Variants in MALRD1 observed in about 807,000 individuals in gnomAD.
The protein encoded by MALRD1 is MAM and LDL-receptor class A domain-containing protein 1.
MALRD1 carries 247 observed loss-of-function variants against 242.1 expected under a neutral mutation model. The observed-to-expected ratio is 1.02, with a 90% CI of 0.92 to 1.13. The LOEUF (loss-of-function observed/expected upper bound fraction) is 1.13. MALRD1 is among the 50% of genes most tolerant of loss of function. The pLI, the probability that MALRD1 is intolerant of heterozygous loss-of-function variation, is 0.00. For missense variants in MALRD1, 2,989 were observed against 2,533.1 expected (o/e 1.18, Z -3.86); for synonymous variants, 995 against 866.6 (o/e 1.15, Z -2.60).
Position 19,387,626 on chromosome 10 carries a change from GA to G in MALRD1, c.4544del (p.Asn1515MetfsTer28). ...AGATAACTGTGGAGATAATACTGATGAAAATGAGTGTGGTAGCTCCTGTACT... is the reference window on the plus strand; with the variant it reads ...AGATAACTGTGGAGATAATACTGATGAAATGAGTGTGGTAGCTCCTGTACT... ...FVDNCGDNTD[E>X]NECGSSCTFE... On this transcript the variant is annotated frameshift_variant, in exon 27 of 40. Coordinates refer to ENST00000454679, the MANE Select transcript of MALRD1 (RefSeq NM_001142308.3). LOFTEE classifies it high-confidence loss of function. 6.5e-7 allele frequency: 1 copy of G among 1,550,376 alleles called. No individual in the cohort carries two copies. Among genetic ancestry groups the G allele is most frequent in the Non-Finnish European group, 8.7e-7 (1 of 1,146,890 alleles).
chr10:19,277,282 T>C (rs1342820281), intron 19 of MALRD1, among the ~76,000 whole-genome samples: 1 of 152,200 alleles, frequency 6.6e-6, no homozygotes, highest in Non-Finnish European at 1.5e-5. Context: ...ATATATCTGA[T>C]CTTGGGGAAT....
At position 19,625,366 on chromosome 10, in the gene MALRD1, T is replaced by C. The variant is rs139091546; in HGVS notation, c.6137+9443T>C. ...AGTTTTGTTCCTATGAAAATTCATA[T>C]GGTTGCTTTTGCCTATTTTACGCTT... On this transcript the variant is annotated intron_variant, in intron 36 of 39. Transcript: ENST00000454679. Among the ~76,000 whole-genome samples the C allele has an allele frequency of 2.7e-3, 408 of 152,208 alleles. 1 individual carries two copies. Among genetic ancestry groups the C allele is most frequent in the African/African-American group, 9.3e-3 (387 of 41,546 alleles).
intron 11 of MALRD1, among the ~76,000 whole-genome samples, chr10:19,153,930 G>A (rs992048509): frequency 1.3e-5 from 2 of 152,002 alleles, no homozygotes; most frequent in African/African-American, 4.8e-5. Flanking sequence ...TTGAATATCG[G>A]TTCATTTGTT....
At chr10:19,094,739 T>C (rs534098743) in intron 4 of MALRD1, among the ~76,000 whole-genome samples, 1 of 152,322 alleles carries the variant, frequency 6.6e-6, no homozygotes, top group African/African-American at 2.4e-5. Flanking sequence ...GCTGTTGAAG[T>C]AGAATAATTG....
intron 28 of MALRD1, among the ~76,000 whole-genome samples, chr10:19,438,085 C>T (rs1405858660): frequency 6.6e-6 from 1 of 151,954 alleles, no homozygotes; most frequent in African/African-American, 2.4e-5. Context: ...TCTTGCAAAA[C>T]TGAAATTCTG....
chr10:19,423,341 C>A (rs1833783935), intron 28 of MALRD1, among the ~76,000 whole-genome samples: 2 of 151,652 alleles, frequency 1.3e-5, no homozygotes, highest in South Asian at 4.2e-4. Context: ...ATGATGATTT[C>A]TACTATTTTT....
chr10:19,527,128 T>G lies in MALRD1; in HGVS notation c.5321-4066T>G, dbSNP rs555211643. ...TAGAATATTTTTCAAGTACTTGAAA[T>G]GTTGTTAGGTACCAGGCTGGAAGAA... On this transcript the variant is annotated intron_variant, in intron 31 of 39. Coordinates refer to ENST00000454679, the MANE Select transcript of MALRD1 (RefSeq NM_001142308.3). Among the ~76,000 whole-genome samples, 5 of 151,972 alleles carry G rather than the reference T, an allele frequency of 3.3e-5. No individual in the cohort carries two copies. In the South Asian group the frequency reaches 8.3e-4, roughly 25 times the overall value.
At chr10:19,207,382 T>TC (rs1235420188) in intron 17 of MALRD1, among the ~76,000 whole-genome samples, 2 of 152,164 alleles carry the variant, frequency 1.3e-5, no homozygotes, top group Non-Finnish European at 1.5e-5. Context: ...ATGGTAGGCT[T>TC]CCCCCTTACC....
intron 29 of MALRD1, chr10:19,488,927 G>C (rs1000213970): frequency 2.6e-6 from 1 of 386,496 alleles, no homozygotes; most frequent in Admixed American, 3.3e-5. Context: ...TATTACATGG[G>C]TTATTAAGAT....
intron 36 of MALRD1, among the ~76,000 whole-genome samples, chr10:19,638,368 A>G (rs1019483046): frequency 6.6e-6 from 1 of 152,152 alleles, no homozygotes; most frequent in African/African-American, 2.4e-5. Context: ...GAGACTGAAA[A>G]TAATAAAAGT....
intron 18 of MALRD1, among the ~76,000 whole-genome samples, chr10:19,229,735 G>A (rs377536487): frequency 6.6e-6 from 1 of 152,116 alleles, no homozygotes; most frequent in Admixed American, 6.6e-5. Context: ...GGTCACCAAT[G>A]CATTGTAGCA....
chr10:19,204,896 A>G lies in MALRD1; in HGVS notation c.2211-2A>G, dbSNP rs1275928723. The G allele has an allele frequency of 3.3e-6, 5 of 1,532,366 alleles. No homozygotes were observed. Among genetic ancestry groups the G allele is most frequent in the East Asian group, 2.5e-5 (1 of 40,624 alleles). The allele number at this position is 1,532,366 out of a possible 1,614,324, so 94.9% of individuals were successfully genotyped here. On this transcript the variant is annotated splice_acceptor_variant, in intron 16 of 39. Transcript: ENST00000454679. LOFTEE classifies it high-confidence loss of function. ...CCATTTCTTACGTTTACTCTTTTTT[A>G]GGTTCTATAACTATGGCCTGTCAGT...
At chr10:19,519,938 A>G (rs1173538281) in intron 31 of MALRD1, among the ~76,000 whole-genome samples, 1 of 152,172 alleles carries the variant, frequency 6.6e-6, no homozygotes, top group Non-Finnish European at 1.5e-5. Context: ...AAGGAATAAC[A>G]TATAACTAAA....
intron 33 of MALRD1, 82 bp from the exon 34 acceptor site, chr10:19,595,112 G>T: frequency 7.5e-7 from 1 of 1,328,444 alleles, no homozygotes; most frequent in Non-Finnish European, 1.0e-6. Context: ...TATACAATAA[G>T]AAATGCAACC....
Position 19,491,656 on chromosome 10 carries a change from C to T in MALRD1, c.5158+11C>T. On this transcript the variant is annotated intron_variant, in intron 30 of 39. Transcript: ENST00000454679. ...ATGAAGCTCACTGTGGTAAGTTTATCTATCTGCTGTATGGCAGCCAGTTCA... is the reference window on the plus strand; with the variant it reads ...ATGAAGCTCACTGTGGTAAGTTTATTTATCTGCTGTATGGCAGCCAGTTCA... 2 of 1,547,588 alleles carry T rather than the reference C, an allele frequency of 1.3e-6. No individual in the cohort carries two copies. The highest frequency in any genetic ancestry group is 8.7e-7 in the Non-Finnish European group (1 of 1,145,984).
At position 19,322,080 on chromosome 10, in the gene MALRD1, T is replaced by C. The variant is rs7085786; in HGVS notation, c.3420-1869T>C. 9.1e-4 allele frequency among the ~76,000 whole-genome samples: 138 copies of C among 152,248 alleles called. 1 individual carries two copies. The highest frequency in any genetic ancestry group is 3.2e-3 in the African/African-American group (131 of 41,556). Reference sequence around the variant, plus strand: ...CTGGTGGACATTTAGATGTAGCACATTGAAATAATTTTCAATGAAGTATAA... The same window carrying C: ...CTGGTGGACATTTAGATGTAGCACACTGAAATAATTTTCAATGAAGTATAA... On this transcript the variant is annotated intron_variant, in intron 21 of 39. Transcript: ENST00000454679.
chr10:19,294,929 A>C (rs951432108), intron 21 of MALRD1, among the ~76,000 whole-genome samples: 2 of 152,148 alleles, frequency 1.3e-5, no homozygotes, highest in Non-Finnish European at 2.9e-5. Context: ...TTTAATAAAT[A>C]TGCATTTATA....
chr10:19,087,924 A>G lies in MALRD1; in HGVS notation c.425A>G (p.His142Arg), dbSNP rs1215426774. The part of the protein sequence containing the change: ...SRVFLPTNDQ[H>R]DCQITFYYFS... ...GTTTTCCTTCCAACAAATGATCAAC[A>G]TGACTGCCAGGTATTTGAAAGCACA... Residue 142 changes from histidine to arginine, a missense_variant, in exon 3 of 40, where the codon CAT becomes CGT. Physicochemically the swap from His to Arg is conservative, Grantham distance 29 (BLOSUM62 0). Coordinates refer to ENST00000454679, the MANE Select transcript of MALRD1 (RefSeq NM_001142308.3). 2 of 1,233,188 alleles carry G rather than the reference A, an allele frequency of 1.6e-6. No homozygotes were observed. Among genetic ancestry groups the G allele is most frequent in the African/African-American group, 3.1e-5 (2 of 64,430 alleles). 76.4% of individuals were successfully genotyped at this position (1,233,188 alleles called of 1,614,324 possible).
rs182257703 is a variant in MALRD1 at position 19,097,773 on chromosome 10, G to C, written c.598-6206G>C. ...GGACTTGGGAGTGTCCTGGTATCCC[G>C]ATACATTGAGAACAAAATCATTCCT... On this transcript the variant is annotated intron_variant, in intron 4 of 39. Transcript: ENST00000454679. 4.2e-3 allele frequency among the ~76,000 whole-genome samples: 639 copies of C among 152,256 alleles called. 5 individuals carry two copies. Among genetic ancestry groups the C allele is most frequent in the South Asian group, 0.023 (109 of 4,816 alleles).
Sources: allele counts gnomAD v4.1 joint callset (sites outside exome capture counted in the v4.1 genomes callset), GRCh38; gene constraint gnomAD v4.1.1; transcripts MANE v1.5; gene names NCBI Gene and HGNC (gene_info 2026-07-23, HGNC 2026-07-21).